The following BLTP1 variants were observed in gnomAD, a reference collection of about 807,000 sequenced individuals.
BLTP1 encodes the protein bridge-like lipid transfer protein family member 1, also known as fragile site-associated protein.
At chr4:122,303,303 C>T in the BLTP1 span, among the ~76,000 whole-genome samples, 3 of 152,110 alleles carry the variant, frequency 2.0e-5, no homozygotes, top group Non-Finnish European at 2.9e-5. Context: ...ATTTTAAGCC[C>T]GCTATGGGTC....
At chr4:122,271,073 A>C in the BLTP1 span, 1 of 1,613,720 alleles carries the variant, frequency 6.2e-7, no homozygotes, top group African/African-American at 1.3e-5. Context: ...AATGTTGGGA[A>C]CCTTTAGCAT....
At chr4:122,247,738 A>C in the BLTP1 span, 4 of 1,012,796 alleles carry the variant, frequency 3.9e-6, no homozygotes, top group Non-Finnish European at 4.7e-6. Context: ...GAAAGAATTA[A>C]TTGTAATATT....
the BLTP1 span, among the ~76,000 whole-genome samples, chr4:122,217,162 C>T: frequency 2.6e-5 from 4 of 151,954 alleles, no homozygotes; most frequent in Non-Finnish European, 5.9e-5. Context: ...AAGTATTTGG[C>T]TCCACTCTGG....
chr4:122,199,522 T>A, the BLTP1 span: 1 of 1,301,790 alleles, frequency 7.7e-7, no homozygotes, highest in Non-Finnish European at 1.1e-6. Context: ...TTATATTAAG[T>A]TTAAGTAACC....
chr4:122,200,251 T>G, the BLTP1 span: 1 of 985,324 alleles, frequency 1.0e-6, no homozygotes. Context: ...GTGACAATGC[T>G]CTTCCTAGGT....
chr4:122,305,949 C>T, the BLTP1 span: 8 of 1,612,040 alleles, frequency 5.0e-6, no homozygotes, highest in Non-Finnish European at 5.1e-6. Context: ...AAGAAATGCC[C>T]TCCGAGAAGA....
chr4:122,353,847 C>T, the BLTP1 span: 1 of 1,613,184 alleles, frequency 6.2e-7, no homozygotes, highest in Non-Finnish European at 8.5e-7. The surrounding 1 kb of genome is among the most constrained non-coding windows in gnomAD (Gnocchi z 4.3). Flanking sequence ...ATTGTACAAA[C>T]ACTAGATTTT....
the BLTP1 span, chr4:122,281,350 T>G: frequency 1.0e-6 from 1 of 978,050 alleles, no homozygotes; most frequent in Non-Finnish European, 1.2e-6. Context: ...CTTTTTCTTG[T>G]CTACTTTTCC....
chr4:122,191,133 C>G, the BLTP1 span, among the ~76,000 whole-genome samples: 1 of 152,056 alleles, frequency 6.6e-6, no homozygotes, highest in African/African-American at 2.4e-5. Flanking sequence ...CAAATGTTGA[C>G]CTTTGATTAA....
the BLTP1 span, among the ~76,000 whole-genome samples, chr4:122,345,649 C>T: frequency 6.6e-6 from 1 of 151,940 alleles, no homozygotes; most frequent in Non-Finnish European, 1.5e-5. Context: ...ATTATTTCGG[C>T]ACTGAGAAGC....
At chr4:122,181,301 A>G in the BLTP1 span, 1 of 879,328 alleles carries the variant, frequency 1.1e-6, no homozygotes, top group Non-Finnish European at 1.4e-6. Context: ...CTGGCGCAGA[A>G]TTTGGGCACT....
the BLTP1 span, chr4:122,336,741 G>C: frequency 1.6e-6 from 2 of 1,275,150 alleles, no homozygotes; most frequent in Non-Finnish European, 1.0e-6. Context: ...AGGGAAAAAC[G>C]TATAGAATGA....
the BLTP1 span, chr4:122,210,132 C>T: frequency 2.4e-6 from 1 of 420,278 alleles, no homozygotes; most frequent in South Asian, 1.0e-4. Context: ...CTTCTATTAT[C>T]TTCTATTATG....
chr4:122,352,425 T>C, the BLTP1 span, among the ~76,000 whole-genome samples: 1 of 148,212 alleles, frequency 6.7e-6, no homozygotes, highest in South Asian at 2.2e-4. Context: ...AGTGGCACGA[T>C]CTCAGCTCAC....
the BLTP1 span, chr4:122,334,523 C>G: frequency 6.2e-7 from 1 of 1,612,624 alleles, no homozygotes. Flanking sequence ...TACTTCCTCC[C>G]CAGCCCCCAC....
the BLTP1 span, among the ~76,000 whole-genome samples, chr4:122,154,699 C>T: frequency 6.6e-6 from 1 of 152,078 alleles, no homozygotes; most frequent in Non-Finnish European, 1.5e-5. Flanking sequence ...TGGTGAAACC[C>T]CGTGTCTACT....
At chr4:122,306,981 G>T in the BLTP1 span, among the ~76,000 whole-genome samples, 18 of 151,986 alleles carry the variant, frequency 1.2e-4, no homozygotes, top group Admixed American at 8.5e-4. Flanking sequence ...TCATTTTACT[G>T]ACCTCTCATC....
At chr4:122,187,339 A>G in the BLTP1 span, 1 of 1,535,376 alleles carries the variant, frequency 6.5e-7, no homozygotes, top group Non-Finnish European at 8.7e-7. Flanking sequence ...AGGTAAACTG[A>G]AACTGTGAGG....
chr4:122,247,184 A>G, the BLTP1 span: 4 of 1,613,174 alleles, frequency 2.5e-6, no homozygotes, highest in Admixed American at 1.7e-5. Context: ...ACTTCAAACA[A>G]TGCAGAACCT....
Sources: gnomAD v4.1 joint callset for allele counts (sites outside exome capture counted in the v4.1 genomes callset) on GRCh38, gnomAD v4.1.1 for gene constraint, Gnocchi (gnomAD v3.1) non-coding constraint, MANE v1.5 for transcripts, NCBI Gene and HGNC (gene_info 2026-07-23, HGNC 2026-07-21) for gene names.